Variants in MET observed in about 807,000 individuals in gnomAD.
MET encodes the protein MET proto-oncogene, receptor tyrosine kinase, also known as hepatocyte growth factor receptor.
Under a neutral mutation model 133.1 loss-of-function variants are expected in MET, and 48 were observed. That is an observed-to-expected ratio of 0.36 (90% confidence interval 0.29 to 0.46). MET has a LOEUF of 0.46. MET is among the 20% of genes least tolerant of loss of function. The pLI is 1.00. For missense variants in MET, 1,442 were observed against 1,695.9 expected, an observed-to-expected ratio of 0.85 and a Z score of 2.63; for synonymous variants, 628 against 616.5, an observed-to-expected ratio of 1.02 and a Z score of -0.28.
chr7:116,764,873 T>C (rs1794561972), intron 11 of MET, among the ~76,000 whole-genome samples: 1 of 152,166 alleles, frequency 6.6e-6, no homozygotes, highest in Admixed American at 6.5e-5. Context: ...GGGAGATTAT[T>C]TTAGTATCAT....
chr7:116,697,990 G>A (rs1797026283), intron 1 of MET, among the ~76,000 whole-genome samples: 1 of 152,208 alleles, frequency 6.6e-6, no homozygotes, highest in South Asian at 2.1e-4. Flanking sequence ...GATTTCTGAT[G>A]TGGTTTTTGT....
chr7:116,682,280 C>T (rs775205260), intron 1 of MET, among the ~76,000 whole-genome samples: 20 of 152,266 alleles, frequency 1.3e-4, no homozygotes, highest in Admixed American at 3.3e-4. Context: ...AGATATTAGA[C>T]GAATAACTTA....
At chr7:116,683,726 T>C (rs896533829) in intron 1 of MET, among the ~76,000 whole-genome samples, 1 of 152,226 alleles carries the variant, frequency 6.6e-6, no homozygotes, top group African/African-American at 2.4e-5. Context: ...TGATGGACAC[T>C]GGTTTTTATC....
chr7:116,697,619 T>G (rs954670676), intron 1 of MET, among the ~76,000 whole-genome samples: 2 of 152,194 alleles, frequency 1.3e-5, no homozygotes, highest in African/African-American at 4.8e-5. Context: ...TTTTTATTCA[T>G]CATTTATTCA....
rs146553361 is a variant in MET, at chr7:116,746,696, C to T, written c.1701+5671C>T. On this transcript the variant is annotated intron_variant, in intron 5 of 20. Coordinates refer to ENST00000397752, the MANE Select transcript of MET (RefSeq NM_000245.4). Reference sequence around the variant, plus strand: ...ATCGCAAGAACAAAAAACCAAACACCGCATGTTCTCACTCATAGGTGGGAA... The same window carrying T: ...ATCGCAAGAACAAAAAACCAAACACTGCATGTTCTCACTCATAGGTGGGAA... Among the ~76,000 whole-genome samples, 308 of 150,914 alleles carry T rather than the reference C, an allele frequency of 2.0e-3. 2 individuals are homozygous for T. Among genetic ancestry groups the T allele is most frequent in the Middle Eastern group, 0.01 (3 of 292 alleles).
chr7:116,717,405 A>G (rs899571662), intron 2 of MET, among the ~76,000 whole-genome samples: 1 of 152,034 alleles, frequency 6.6e-6, no homozygotes, highest in South Asian at 2.1e-4. Context: ...TCTATTTAAT[A>G]AAAAAAACAC....
chr7:116,704,911 A>T (rs1791730779), intron 2 of MET, among the ~76,000 whole-genome samples: 1 of 152,090 alleles, frequency 6.6e-6, no homozygotes, highest in African/African-American at 2.4e-5. Flanking sequence ...CCTTGTTTTT[A>T]AATATCATTT....
At chr7:116,782,929 G>A (rs969909698) in intron 18 of MET, among the ~76,000 whole-genome samples, 5 of 152,108 alleles carry the variant, frequency 3.3e-5, no homozygotes, top group African/African-American at 1.2e-4. Flanking sequence ...ACTGAGTATC[G>A]CTAATCAGTT....
chr7:116,774,079 G>A (rs544389872), intron 14 of MET, among the ~76,000 whole-genome samples: 39 of 152,198 alleles, frequency 2.6e-4, no homozygotes, highest in African/African-American at 8.7e-4. Flanking sequence ...AGTGGAAAGA[G>A]AAAGGGAAAG....
At chr7:116,741,283 TA>T (rs1793444714) in intron 5 of MET, among the ~76,000 whole-genome samples, 1 of 152,196 alleles carries the variant, frequency 6.6e-6, no homozygotes, top group African/African-American at 2.4e-5. Context: ...TCACATTGTC[TA>T]GGTTCTATCG....
At chr7:116,710,367 G>C (rs184569469) in intron 2 of MET, among the ~76,000 whole-genome samples, 51 of 152,228 alleles carry the variant, frequency 3.4e-4, no homozygotes, top group African/African-American at 1.2e-3. Context: ...GTACAAAGAG[G>C]ACCCGCTTTA....
chr7:116,716,592 G>A (rs569440962), intron 2 of MET, among the ~76,000 whole-genome samples: 1 of 152,298 alleles, frequency 6.6e-6, no homozygotes, highest in East Asian at 1.9e-4. Context: ...CAAACTTACG[G>A]AGAGGGTAGC....
chr7:116,696,010 T>A (rs1796953205), intron 1 of MET, among the ~76,000 whole-genome samples: 1 of 152,012 alleles, frequency 6.6e-6, no homozygotes, highest in Non-Finnish European at 1.5e-5. Context: ...GTAGCTAGGA[T>A]TACAGGCACC....
chr7:116,724,154 C>G (rs1430116275), intron 2 of MET: 2 of 171,288 alleles, frequency 1.2e-5, no homozygotes, highest in Non-Finnish European at 2.5e-5. Context: ...GCGTAGGACC[C>G]TCCGAGCCAG....
intron 12 of MET, 152 bp downstream of exon 12, chr7:116,769,943 T>A: frequency 1.7e-6 from 2 of 1,149,892 alleles, no homozygotes; most frequent in Non-Finnish European, 2.5e-6. Context: ...TTAGAAATAG[T>A]GAGCTTTTTG....
At chr7:116,711,864 G>A (rs1302838145) in intron 2 of MET, among the ~76,000 whole-genome samples, 1 of 152,190 alleles carries the variant, frequency 6.6e-6, no homozygotes, top group Non-Finnish European at 1.5e-5. Flanking sequence ...CACGCCCAGT[G>A]ATGTGCTGGT....
In MET at chr7:116,700,261, A is replaced by C; in HGVS notation, c.1177A>C (p.Asn393His). 2 of 1,603,212 alleles carry C rather than the reference A, an allele frequency of 1.2e-6. No homozygotes were observed. The highest frequency in any genetic ancestry group is 1.7e-6 in the Non-Finnish European group (2 of 1,178,080). ...VRCLQHFYGP[N>H]HEHCFNRTLL... ...ATGTCTCCAGCATTTTTACGGACCC[A>C]ATCATGAGCACTGCTTTAATAGGGT... The change falls in exon 2 of 21, where the codon AAT becomes CAT. Residue 393 changes from asparagine to histidine, a missense_variant. Coordinates refer to ENST00000397752, the MANE Select transcript of MET (RefSeq NM_000245.4).
chr7:116,729,947 C>T (rs1050680071), intron 2 of MET, among the ~76,000 whole-genome samples: 6 of 152,158 alleles, frequency 3.9e-5, no homozygotes, highest in Non-Finnish European at 7.4e-5. Context: ...CCATGGTGAA[C>T]GAGTAGGGTC....
In MET at chr7:116,757,788, AT is replaced by A. The variant is rs2116925653; in HGVS notation, c.2102+20del. On this transcript the variant is annotated intron_variant, in intron 8 of 20. Coordinates refer to ENST00000397752, the MANE Select transcript of MET (RefSeq NM_000245.4). ...TACTTTAAAAAGGTGTTGTAAATTT[AT>A]TTTTTGTTGCATCTGTCAATTTGAA... 6.2e-7 allele frequency: 1 copy of A among 1,612,780 alleles called. No individual in the cohort carries two copies. Among genetic ancestry groups the A allele is most frequent in the Non-Finnish European group, 8.5e-7 (1 of 1,178,942 alleles).
Sources: allele counts gnomAD v4.1 joint callset (sites outside exome capture counted in the v4.1 genomes callset), GRCh38; gene constraint gnomAD v4.1.1; transcripts MANE v1.5; gene names NCBI Gene and HGNC (gene_info 2026-07-23, HGNC 2026-07-21).